CNTNAP2: variants seen among roughly 807,000 people sequenced by gnomAD.
CNTNAP2 encodes the protein contactin-associated protein-like 2.
A neutral mutation model predicts 155.2 loss-of-function variants in CNTNAP2; 98 were observed. The observed-to-expected ratio is 0.63, with a 90% CI of 0.54 to 0.75. CNTNAP2 has a LOEUF of 0.75. Ranked by LOEUF, CNTNAP2 falls within the 30% of genes least tolerant of loss-of-function variation. The pLI is 0.00. For synonymous variants in CNTNAP2, 651 were observed against 631.2 expected, an observed-to-expected ratio of 1.03 and a Z score of -0.47; for missense variants, 1,727 against 1,688.1, an observed-to-expected ratio of 1.02 and a Z score of -0.40.
At chr7:146,695,448 T>A (rs1191726242) in intron 1 of CNTNAP2, among the ~76,000 whole-genome samples, 1 of 152,146 alleles carries the variant, frequency 6.6e-6, no homozygotes, top group Non-Finnish European at 1.5e-5. Flanking sequence ...AGGGTCTCAC[T>A]CTGTCACCCA....
At chr7:147,009,500 G>A (rs1204527697) in intron 3 of CNTNAP2, among the ~76,000 whole-genome samples, 1 of 152,144 alleles carries the variant, frequency 6.6e-6, no homozygotes, top group African/African-American at 2.4e-5. Context: ...ACTTGGAGTT[G>A]TGCTGAATTA....
At chr7:146,366,762 G>A (rs767595749) in intron 1 of CNTNAP2, among the ~76,000 whole-genome samples, 71 of 152,194 alleles carry the variant, frequency 4.7e-4, no homozygotes, top group Non-Finnish European at 7.8e-4. Flanking sequence ...AAGAATTGTG[G>A]AAAACATTTT....
At chr7:146,259,839 A>T (rs1563012053) in intron 1 of CNTNAP2, among the ~76,000 whole-genome samples, 1 of 152,232 alleles carries the variant, frequency 6.6e-6, no homozygotes. Context: ...AGCTGCTGAA[A>T]TTTATGTTAA....
At chr7:147,928,527 T>G (rs1000806747) in intron 14 of CNTNAP2, among the ~76,000 whole-genome samples, 1 of 152,216 alleles carries the variant, frequency 6.6e-6, no homozygotes, top group African/African-American at 2.4e-5. Context: ...ATGAATTGTC[T>G]TGGTGAAAAG....
At chr7:146,929,119 T>C (rs550342532) in intron 3 of CNTNAP2, among the ~76,000 whole-genome samples, 2 of 152,316 alleles carry the variant, frequency 1.3e-5, no homozygotes, top group Non-Finnish European at 2.9e-5. Flanking sequence ...GATTTGAGAA[T>C]GGGCAGACTG....
At chr7:146,645,506 A>G (rs1799796387) in intron 1 of CNTNAP2, among the ~76,000 whole-genome samples, 1 of 152,180 alleles carries the variant, frequency 6.6e-6, no homozygotes, top group African/African-American at 2.4e-5. Flanking sequence ...GAAAAATGAG[A>G]TCAGGGAACA....
At chr7:146,502,236 T>TATATATATATATGA (rs1554441621) in intron 1 of CNTNAP2, among the ~76,000 whole-genome samples, 39 of 76,730 alleles carry the variant, frequency 5.1e-4, no homozygotes, top group African/African-American at 1.4e-3. Context: ...TATATATATA[T>TATATATATATATGA]ATATATATAT....
At chr7:146,934,033 C>T (rs1183149100) in intron 3 of CNTNAP2, among the ~76,000 whole-genome samples, 5 of 152,100 alleles carry the variant, frequency 3.3e-5, no homozygotes, top group Non-Finnish European at 7.4e-5. Context: ...GTCAGTGTGG[C>T]GTTTCCTCAG....
chr7:147,340,194 A>T (rs1456567847), intron 9 of CNTNAP2, among the ~76,000 whole-genome samples: 1 of 152,156 alleles, frequency 6.6e-6, no homozygotes, highest in Non-Finnish European at 1.5e-5. Context: ...AATATCATGT[A>T]TACCCTGTCA....
At chr7:146,259,757 T>C (rs1015618122) in intron 1 of CNTNAP2, among the ~76,000 whole-genome samples, 9 of 152,150 alleles carry the variant, frequency 5.9e-5, no homozygotes, top group Non-Finnish European at 1.3e-4. Context: ...AAGCAGAGCA[T>C]AAAAGTTTGG....
At chr7:147,079,852 T>G (rs1304829152) in intron 4 of CNTNAP2, among the ~76,000 whole-genome samples, 1 of 152,142 alleles carries the variant, frequency 6.6e-6, no homozygotes, top group Non-Finnish European at 1.5e-5. Flanking sequence ...TCACAGTGTC[T>G]GTAAGCCGCG....
At chr7:146,217,836 A>G (rs1182776425) in intron 1 of CNTNAP2, among the ~76,000 whole-genome samples, 1 of 152,190 alleles carries the variant, frequency 6.6e-6, no homozygotes, top group African/African-American at 2.4e-5. Flanking sequence ...TGCATTTGTC[A>G]AAACATATTC....
chr7:146,796,497 C>G (rs539763866), intron 2 of CNTNAP2, among the ~76,000 whole-genome samples: 2 of 151,948 alleles, frequency 1.3e-5, no homozygotes, highest in Admixed American at 1.3e-4. Context: ...TACTTTGGAC[C>G]AGCTGGTGTC....
At chr7:147,848,508 G>GTGAGATGAA (rs1227086264) in intron 13 of CNTNAP2, among the ~76,000 whole-genome samples, 3 of 150,860 alleles carry the variant, frequency 2.0e-5, no homozygotes, top group Admixed American at 6.6e-5. Flanking sequence ...GCACTCCCTA[G>GTGAGATGAA]TGAGATGAAC....
intron 11 of CNTNAP2, among the ~76,000 whole-genome samples, chr7:147,494,190 A>T (rs2141391): frequency 0.29 from 43,489 of 151,862 alleles, 6,339 homozygotes; most frequent in East Asian, 0.43. Flanking sequence ...AAGAGCTGTG[A>T]AAGTACTACC....
chr7:147,838,967 C>T (rs758718089), intron 13 of CNTNAP2, among the ~76,000 whole-genome samples: 2 of 152,054 alleles, frequency 1.3e-5, no homozygotes, highest in Non-Finnish European at 2.9e-5. Flanking sequence ...AGAGTATTGA[C>T]TCACATGATC....
chr7:147,858,413 T>C (rs1799079238), intron 13 of CNTNAP2, among the ~76,000 whole-genome samples: 1 of 152,226 alleles, frequency 6.6e-6, no homozygotes. Flanking sequence ...ACTTTCAACA[T>C]GGAAATAAAG....
At position 147,061,870 on chromosome 7, in the gene CNTNAP2, C is replaced by T. The variant is rs565992902; in HGVS notation, c.550+17816C>T. Among the ~76,000 whole-genome samples the T allele has an allele frequency of 2.0e-5, 3 of 152,204 alleles. No individual in the cohort carries two copies. The East Asian group carries it at 5.8e-4, about 29-fold the overall frequency. The stretch of plus-strand genomic sequence containing the variant: ...AGTTCTTTGGCCGGGCACGGTGGCT[C>T]ACGCCTGTAATCCCAGCACTTTGGG... On this transcript the variant is annotated intron_variant, in intron 4 of 23. Transcript: ENST00000361727.
rs185167405 is a variant in CNTNAP2 at position 147,939,392 on chromosome 7, G to T, written c.2255+35671G>T. ...GGCCCAGGCTGGAGTGCAGTGGCAC[G>T]ATCTCAGCTCACTGCAACCTCTGCC... is the stretch of plus-strand genomic sequence containing the variant. On this transcript the variant is annotated intron_variant, in intron 14 of 23. Coordinates refer to ENST00000361727, the MANE Select transcript of CNTNAP2 (RefSeq NM_014141.6). Among the ~76,000 whole-genome samples the T allele has an allele frequency of 2.5e-3, 380 of 151,946 alleles. 4 individuals are homozygous for T. Among genetic ancestry groups the T allele is most frequent in the African/African-American group, 8.8e-3 (365 of 41,414 alleles).
Sources: gnomAD v4.1 joint callset for allele counts (sites outside exome capture counted in the v4.1 genomes callset) on GRCh38, gnomAD v4.1.1 for gene constraint, MANE v1.5 for transcripts, NCBI Gene and HGNC (gene_info 2026-07-23, HGNC 2026-07-21) for gene names.